Variants in PSD3 observed in about 807,000 individuals in gnomAD.
PSD3 encodes PH and SEC7 domain-containing protein 3.
PSD3 carries 49 observed loss-of-function variants against 105.5 expected under a neutral mutation model. That is an observed-to-expected ratio of 0.46 (90% CI 0.37 to 0.59). The LOEUF is 0.59. PSD3 is among the 20% of genes least tolerant of loss of function. The probability of loss-of-function intolerance (pLI) is 0.00; values close to 1 mark genes in which losing one functional copy is unlikely to be tolerated. For synonymous variants in PSD3, 557 were observed against 457.8 expected (o/e 1.22, Z -2.77); for missense variants, 1,561 against 1,263.8 (o/e 1.24, Z -3.57).
chr8:18,833,589 A>T (rs919405779), intron 4 of PSD3, among the ~76,000 whole-genome samples: 2 of 152,222 alleles, frequency 1.3e-5, no homozygotes, highest in African/African-American at 4.8e-5. Context: ...TGGGGTTAAA[A>T]TGAGTTTTCC....
intron 12 of PSD3, among the ~76,000 whole-genome samples, chr8:18,595,372 T>A (rs1804014565): frequency 1.3e-5 from 2 of 151,224 alleles, no homozygotes; most frequent in Admixed American, 6.6e-5. Flanking sequence ...TGTTTCTCTA[T>A]CGATAATTAC....
intron 1 of PSD3, among the ~76,000 whole-genome samples, chr8:19,040,035 C>T (rs924472174): frequency 6.6e-6 from 1 of 151,916 alleles, no homozygotes; most frequent in African/African-American, 2.4e-5. Context: ...TGGGCACCAA[C>T]CTAAATGAAT....
In PSD3 at chr8:18,834,311, A is replaced by G. The variant is rs371160067; in HGVS notation, c.1635-29413T>C. Reference sequence around the variant, plus strand: ...AGCAAAATTAAAATGATAAATGGATAGAAAAACACCCATTATACAAAAGGC... The same window carrying G: ...AGCAAAATTAAAATGATAAATGGATGGAAAAACACCCATTATACAAAAGGC... On this transcript the variant is annotated intron_variant, in intron 4 of 15. Transcript: ENST00000327040. Among the ~76,000 whole-genome samples the G allele has an allele frequency of 1.8e-4, 27 of 152,370 alleles. No homozygotes were observed. The East Asian group carries it at 2.1e-3, about 12-fold the overall frequency.
At chr8:19,054,997 C>T (rs1208054081) in intron 1 of PSD3, among the ~76,000 whole-genome samples, 2 of 151,620 alleles carry the variant, frequency 1.3e-5, no homozygotes, top group South Asian at 2.1e-4. Flanking sequence ...AGACAAAGCA[C>T]TGTGACTTCT....
chr8:18,672,657 C>T (rs989840213), intron 9 of PSD3, among the ~76,000 whole-genome samples: 6 of 152,112 alleles, frequency 3.9e-5, no homozygotes, highest in African/African-American at 1.2e-4. Flanking sequence ...GGTATTGTTG[C>T]ATAAAAATAA....
chr8:18,961,635 G>A (rs554638462), intron 1 of PSD3, among the ~76,000 whole-genome samples: 12 of 152,068 alleles, frequency 7.9e-5, no homozygotes, highest in Admixed American at 5.2e-4. Context: ...AGGTTGCAGC[G>A]AGCCGAGATC....
rs1464311732 is a variant in PSD3 at position 19,003,363 on chromosome 8, C to A, written c.21+10200G>T. On this transcript the variant is annotated intron_variant, in intron 1 of 15. Coordinates refer to ENST00000327040, the MANE Select transcript of PSD3 (RefSeq NM_015310.4). ...AGTCACTACACTCCAGCCTGGGCAACTGAGCAAGACCCCGTCTTTAAAAAA... is the reference window on the plus strand; with the variant it reads ...AGTCACTACACTCCAGCCTGGGCAAATGAGCAAGACCCCGTCTTTAAAAAA... Among the ~76,000 whole-genome samples, 9 of 151,858 alleles carry A rather than the reference C, an allele frequency of 5.9e-5. 1 individual carries two copies. The highest frequency in any genetic ancestry group is 1.3e-4 in the Non-Finnish European group (9 of 67,926).
At chr8:18,623,561 G>T (rs1409429850) in intron 11 of PSD3, among the ~76,000 whole-genome samples, 1 of 149,270 alleles carries the variant, frequency 6.7e-6, no homozygotes, top group Non-Finnish European at 1.5e-5. Context: ...GACTACCTGA[G>T]CCCAGAAGTC....
chr8:18,771,249 C>T (rs747127629), intron 8 of PSD3, among the ~76,000 whole-genome samples: 33 of 152,228 alleles, frequency 2.2e-4, no homozygotes, highest in African/African-American at 3.4e-4. Flanking sequence ...TTTGGGCCAC[C>T]GCATCAGGCT....
chr8:18,809,338 G>A (rs140507175), intron 4 of PSD3, among the ~76,000 whole-genome samples: 3 of 152,038 alleles, frequency 2.0e-5, no homozygotes, highest in Non-Finnish European at 4.4e-5. Context: ...GCTTCCCTGG[G>A]GCCTTTATTT....
intron 1 of PSD3, among the ~76,000 whole-genome samples, chr8:19,040,842 T>A (rs13275125): frequency 0.49 from 73,730 of 151,704 alleles, 18,856 homozygotes; most frequent in South Asian, 0.64. Flanking sequence ...TTATCCAAGG[T>A]CTCTTACTCT....
At chr8:18,770,487 TTCATGGGC>T (rs1328463251) in intron 8 of PSD3, among the ~76,000 whole-genome samples, 4 of 152,202 alleles carry the variant, frequency 2.6e-5, no homozygotes, top group African/African-American at 9.7e-5. Context: ...CCCTGACCCC[TTCATGGGC>T]AGATATGGGA....
At chr8:19,052,686 T>C (rs334209) in intron 1 of PSD3, among the ~76,000 whole-genome samples, 54,220 of 151,634 alleles carry the variant, frequency 0.36, 9,893 homozygotes, top group East Asian at 0.62. Context: ...AGTTCGGTAA[T>C]ATCAGAATGG....
chr8:18,922,279 A>G (rs1390551164), intron 2 of PSD3, among the ~76,000 whole-genome samples: 2 of 152,178 alleles, frequency 1.3e-5, no homozygotes, highest in African/African-American at 2.4e-5. Context: ...TAAGTCAATA[A>G]AAGGCAAGCT....
At chr8:18,839,969 C>T (rs1814479522) in intron 4 of PSD3, among the ~76,000 whole-genome samples, 1 of 152,140 alleles carries the variant, frequency 6.6e-6, no homozygotes, top group African/African-American at 2.4e-5. Context: ...AAACTTCTCC[C>T]CTCCCACAAA....
intron 9 of PSD3, chr8:18,732,842 G>A (rs918795866): frequency 2.0e-5 from 3 of 150,788 alleles, no homozygotes; most frequent in African/African-American, 7.3e-5. Context: ...TTTTTTCACA[G>A]ATATTCTACC....
At chr8:18,702,640 T>C (rs997788924) in intron 9 of PSD3, among the ~76,000 whole-genome samples, 2 of 151,934 alleles carry the variant, frequency 1.3e-5, no homozygotes, top group Admixed American at 1.3e-4. Context: ...TGAGATGGAA[T>C]CTCGCTCTGT....
intron 1 of PSD3, among the ~76,000 whole-genome samples, chr8:19,041,691 C>A (rs1258450203): frequency 2.6e-5 from 4 of 152,206 alleles, no homozygotes; most frequent in Non-Finnish European, 5.9e-5. Context: ...TACGCCCAGG[C>A]AGCTTTCAAA....
At chr8:18,797,307 T>A (rs1810276139) in intron 8 of PSD3, among the ~76,000 whole-genome samples, 1 of 152,162 alleles carries the variant, frequency 6.6e-6, no homozygotes, top group Non-Finnish European at 1.5e-5. Flanking sequence ...CTGTTATTGA[T>A]AATTTTCTCC....
Sources: gnomAD v4.1 joint callset for allele counts (sites outside exome capture counted in the v4.1 genomes callset) on GRCh38, gnomAD v4.1.1 for gene constraint, MANE v1.5 for transcripts, NCBI Gene and HGNC (gene_info 2026-07-23, HGNC 2026-07-21) for gene names.